The following FGGY variants were observed in gnomAD, a reference collection of about 807,000 sequenced individuals.
FGGY encodes FGGY carbohydrate kinase domain containing, also known as FGGY carbohydrate kinase domain-containing protein.
Under a neutral mutation model 71.3 loss-of-function variants are expected in FGGY, and 72 were observed. That is an observed-to-expected ratio of 1.01 (90% confidence interval 0.84 to 1.23). The LOEUF is 1.23. Among genes scored for constraint, FGGY ranks in the 50% most tolerant of loss-of-function variants. The probability of loss-of-function intolerance (pLI) is 0.00; values close to 1 mark genes in which losing one functional copy is unlikely to be tolerated. For synonymous variants in FGGY, 251 were observed against 250.3 expected, an observed-to-expected ratio of 1.00 and a Z score of -0.02; for missense variants, 668 against 682.3, an observed-to-expected ratio of 0.98 and a Z score of 0.23.
At chr1:59,299,275 A>G (rs2042405980) in intron 1 of FGGY, among the ~76,000 whole-genome samples, 1 of 152,178 alleles carries the variant, frequency 6.6e-6, no homozygotes, top group Non-Finnish European at 1.5e-5. Flanking sequence ...GCAGGAAAGG[A>G]TAAGTTGGAA....
In FGGY at chr1:59,641,313, G is replaced by A. The variant is rs1411513233; in HGVS notation, c.1221+2938G>A. On this transcript the variant is annotated intron_variant, in intron 11 of 15. Transcript: ENST00000303721. ...TGGATATCTGTATATTCCGGCTTTG[G>A]CAGCGTTGCACTCTCCCAGTTCTCT... The A allele has an allele frequency of 5.0e-6, 8 of 1,606,684 alleles. No individual in the cohort carries two copies. Among genetic ancestry groups the A allele is most frequent in the Non-Finnish European group, 5.9e-6 (7 of 1,178,598 alleles).
chr1:59,530,414 T>G (rs945819688), intron 7 of FGGY, among the ~76,000 whole-genome samples: 7 of 152,200 alleles, frequency 4.6e-5, no homozygotes, highest in Admixed American at 2.0e-4. Context: ...AAGATATAAA[T>G]ATGAACAAAT....
intron 6 of FGGY, among the ~76,000 whole-genome samples, chr1:59,505,454 G>T (rs2094354207): frequency 6.6e-6 from 1 of 152,118 alleles, no homozygotes; most frequent in African/African-American, 2.4e-5. Flanking sequence ...GTAAGACATG[G>T]TGCCACTTTG....
chr1:59,581,350 A>C (rs2096191610), intron 8 of FGGY, among the ~76,000 whole-genome samples: 1 of 150,194 alleles, frequency 6.7e-6, no homozygotes. Context: ...CTGGATATCA[A>C]ATTATCTCAC....
chr1:59,723,572 G>A (rs1211752897), intron 14 of FGGY, among the ~76,000 whole-genome samples: 3 of 145,220 alleles, frequency 2.1e-5, no homozygotes, highest in South Asian at 2.2e-4. Flanking sequence ...TTGGGGGGGG[G>A]TGGTTGGGGG....
chr1:59,436,836 T>C (rs1010258341), intron 5 of FGGY, among the ~76,000 whole-genome samples: 8 of 152,164 alleles, frequency 5.3e-5, no homozygotes, highest in African/African-American at 1.9e-4. Flanking sequence ...CTGTTGTAAA[T>C]AGGACTAAAA....
intron 10 of FGGY, among the ~76,000 whole-genome samples, chr1:59,632,380 A>C (rs537072401): frequency 4.6e-5 from 7 of 151,834 alleles, no homozygotes; most frequent in African/African-American, 1.7e-4. Flanking sequence ...CTTTTTTCCT[A>C]CTTTCCCTGA....
chr1:59,481,444 TTC>T (rs2093463830), intron 6 of FGGY, among the ~76,000 whole-genome samples: 1 of 152,142 alleles, frequency 6.6e-6, no homozygotes, highest in African/African-American at 2.4e-5. Flanking sequence ...TGCGAGTGCT[TTC>T]TCTCTTCCTG....
chr1:59,447,226 C>T (rs2071489722), intron 5 of FGGY, among the ~76,000 whole-genome samples: 1 of 152,176 alleles, frequency 6.6e-6, no homozygotes, highest in African/African-American at 2.4e-5. Context: ...GCTTTACTTA[C>T]ATTCCCTCAT....
At chr1:59,430,630 T>A (rs1035080235) in intron 5 of FGGY, among the ~76,000 whole-genome samples, 4 of 152,186 alleles carry the variant, frequency 2.6e-5, no homozygotes, top group African/African-American at 9.7e-5. Context: ...CCCTAGTATG[T>A]AGACTTAATA....
intron 8 of FGGY, among the ~76,000 whole-genome samples, chr1:59,570,469 A>G (rs563277158): frequency 3.9e-4 from 59 of 152,206 alleles, no homozygotes; most frequent in Non-Finnish European, 7.8e-4. Context: ...CCTTTCAAAT[A>G]AAATATCTCT....
intron 5 of FGGY, among the ~76,000 whole-genome samples, chr1:59,404,988 A>G (rs977867549): frequency 1.3e-5 from 2 of 152,164 alleles, no homozygotes; most frequent in Admixed American, 1.3e-4. Flanking sequence ...ATATTTACAT[A>G]ATGTATGCCT....
At chr1:59,405,730 T>G (rs939457587) in intron 5 of FGGY, among the ~76,000 whole-genome samples, 1 of 152,138 alleles carries the variant, frequency 6.6e-6, no homozygotes, top group Admixed American at 6.5e-5. Context: ...TACCCCCCAG[T>G]CGACCTTAGT....
At chr1:59,451,050 C>A (rs1270231927) in intron 5 of FGGY, among the ~76,000 whole-genome samples, 1 of 152,006 alleles carries the variant, frequency 6.6e-6, no homozygotes, top group Non-Finnish European at 1.5e-5. Flanking sequence ...TTTGTTCCAT[C>A]TTATTTTGTT....
At chr1:59,569,762 C>A (rs2095947936) in intron 8 of FGGY, among the ~76,000 whole-genome samples, 1 of 152,110 alleles carries the variant, frequency 6.6e-6, no homozygotes, top group Non-Finnish European at 1.5e-5. Flanking sequence ...ATTTGATGCT[C>A]AGAATAACTA....
At chr1:59,711,221 C>A (rs532931261) in intron 14 of FGGY, among the ~76,000 whole-genome samples, 1 of 152,184 alleles carries the variant, frequency 6.6e-6, no homozygotes, top group East Asian at 1.9e-4. Context: ...TGTTCTCACT[C>A]ATAAGTGGTA....
intron 2 of FGGY, 55 bp downstream of exon 2, chr1:59,321,805 G>T: frequency 6.5e-7 from 1 of 1,534,116 alleles, no homozygotes; most frequent in Non-Finnish European, 8.9e-7. Context: ...GCTGAGTGTC[G>T]TGTGTCAATC....
At position 59,513,093 on chromosome 1, in the gene FGGY, G is replaced by A. The variant is rs117992418; in HGVS notation, c.799+654G>A. ...GACTTCCTCATCCTTATTGCAGGTTGTGTGTGTTTTTTGCAGGGGAAGTTG... is the reference window on the plus strand; with the variant it reads ...GACTTCCTCATCCTTATTGCAGGTTATGTGTGTTTTTTGCAGGGGAAGTTG... On this transcript the variant is annotated intron_variant, in intron 7 of 15. Transcript: ENST00000303721. Among the ~76,000 whole-genome samples the A allele has an allele frequency of 1.4e-3, 207 of 152,332 alleles. 2 individuals are homozygous for A. Among genetic ancestry groups the A allele is most frequent in the East Asian group, 8.3e-3 (43 of 5,188 alleles).
At chr1:59,499,823 T>A (rs2094168838) in intron 6 of FGGY, among the ~76,000 whole-genome samples, 1 of 152,234 alleles carries the variant, frequency 6.6e-6, no homozygotes, top group Non-Finnish European at 1.5e-5. Flanking sequence ...ACATAGCTGC[T>A]ATTAAAGTAC....
Sources: allele counts gnomAD v4.1 joint callset (sites outside exome capture counted in the v4.1 genomes callset), GRCh38; gene constraint gnomAD v4.1.1; transcripts MANE v1.5; gene names NCBI Gene and HGNC (gene_info 2026-07-23, HGNC 2026-07-21).